Variants in B3GLCT observed in about 807,000 individuals in gnomAD.
B3GLCT encodes beta-1,3-glucosyltransferase.
Under a neutral mutation model 63.4 loss-of-function variants are expected in B3GLCT, and 65 were observed. That is an observed-to-expected ratio of 1.03 (90% CI 0.84 to 1.26). B3GLCT has a LOEUF of 1.26. B3GLCT is among the 50% of genes most tolerant of loss of function. The probability of loss-of-function intolerance (pLI) is 0.00; values close to 1 mark genes in which losing one functional copy is unlikely to be tolerated. For synonymous variants in B3GLCT, 233 were observed against 219.2 expected, an observed-to-expected ratio of 1.06 and a Z score of -0.55; for missense variants, 577 against 604.8, an observed-to-expected ratio of 0.95 and a Z score of 0.48.
chr13:31,320,994 A>G (rs1875303346), intron 13 of B3GLCT, among the ~76,000 whole-genome samples: 1 of 152,242 alleles, frequency 6.6e-6, no homozygotes, highest in Non-Finnish European at 1.5e-5. Flanking sequence ...TATTATGCAA[A>G]CCATTATCAT....
At chr13:31,300,797 C>A (rs1409196087) in intron 12 of B3GLCT, among the ~76,000 whole-genome samples, 10 of 152,194 alleles carry the variant, frequency 6.6e-5, no homozygotes, top group African/African-American at 2.2e-4. Context: ...CTTGTGACCT[C>A]TGTCCACATG....
chr13:31,285,735 C>T (rs1473086856), intron 11 of B3GLCT, among the ~76,000 whole-genome samples: 1 of 151,820 alleles, frequency 6.6e-6, no homozygotes, highest in East Asian at 1.9e-4. Flanking sequence ...GATATGCCAT[C>T]TCTGTAGTTA....
At chr13:31,238,553 A>T (rs1017162411) in intron 4 of B3GLCT, among the ~76,000 whole-genome samples, 1 of 152,250 alleles carries the variant, frequency 6.6e-6, no homozygotes, top group Non-Finnish European at 1.5e-5. Context: ...GGAATTTAGT[A>T]GAATGCGTAT....
chr13:31,326,534 G>A (rs1412269167), intron 14 of B3GLCT, among the ~76,000 whole-genome samples: 1 of 151,934 alleles, frequency 6.6e-6, no homozygotes, highest in Non-Finnish European at 1.5e-5. Flanking sequence ...ACCTGCCTCG[G>A]CCTCCCAAAG....
At chr13:31,226,361 A>AG (rs1870102319) in intron 3 of B3GLCT, among the ~76,000 whole-genome samples, 2 of 152,244 alleles carry the variant, frequency 1.3e-5, no homozygotes, top group South Asian at 4.1e-4. Context: ...ATTGAAGTAT[A>AG]GGAAAAAGGG....
chr13:31,324,927 A>T (rs1875532372), intron 14 of B3GLCT, among the ~76,000 whole-genome samples: 1 of 152,112 alleles, frequency 6.6e-6, no homozygotes, highest in South Asian at 2.1e-4. Context: ...GACTGGTTTC[A>T]AACTGCTGGA....
chr13:31,283,112 A>G (rs1873150953), intron 10 of B3GLCT: 1 of 152,236 alleles, frequency 6.6e-6, no homozygotes, highest in African/African-American at 2.4e-5. Flanking sequence ...AACCTATTAG[A>G]GCGAAAAAGG....
intron 6 of B3GLCT, among the ~76,000 whole-genome samples, chr13:31,255,585 T>G (rs898102072): frequency 4.6e-5 from 7 of 152,210 alleles, no homozygotes; most frequent in Non-Finnish European, 1.0e-4. Context: ...AACAGCATGG[T>G]ACTGGTACCA....
At chr13:31,232,482 C>T (rs115617189) in intron 4 of B3GLCT, among the ~76,000 whole-genome samples, 185 of 152,256 alleles carry the variant, frequency 1.2e-3, no homozygotes, top group Middle Eastern at 6.8e-3. Context: ...ACTCACTCTC[C>T]TCACGACAGT....
Position 31,260,967 on chromosome 13 carries a change from T to C in B3GLCT, c.481T>C (p.Leu161=). ...PSKEWFLGKA[L]HDEEATIIHH... Reference sequence around the variant, plus strand: ...ACAGGAATGGTTTTTGGGAAAAGCATTACATGATGAAGAAGCTACAATAAT... The same window carrying C: ...ACAGGAATGGTTTTTGGGAAAAGCACTACATGATGAAGAAGCTACAATAAT... Residue 161 remains leucine, a synonymous_variant, in exon 7 of 15, where the codon TTA becomes CTA. Coordinates refer to ENST00000343307, the MANE Select transcript of B3GLCT (RefSeq NM_194318.4). 1 of 1,613,990 alleles carries C rather than the reference T, an allele frequency of 6.2e-7. No individual in the cohort carries two copies. Among genetic ancestry groups the C allele is most frequent in the Non-Finnish European group, 8.5e-7 (1 of 1,179,874 alleles).
At chr13:31,236,916 C>T (rs1870678765) in intron 4 of B3GLCT, among the ~76,000 whole-genome samples, 1 of 152,138 alleles carries the variant, frequency 6.6e-6, no homozygotes, top group Non-Finnish European at 1.5e-5. Flanking sequence ...CACCTGAGGT[C>T]TGGAGTTCAA....
At chr13:31,321,519 G>T (rs1486843383) in intron 13 of B3GLCT, among the ~76,000 whole-genome samples, 1 of 152,166 alleles carries the variant, frequency 6.6e-6, no homozygotes, top group Admixed American at 6.5e-5. Context: ...TGACATTTTT[G>T]TTTCAGCTTT....
intron 1 of B3GLCT, among the ~76,000 whole-genome samples, chr13:31,201,176 T>C (rs191615226): frequency 8.4e-4 from 128 of 152,296 alleles, no homozygotes; most frequent in Non-Finnish European, 1.6e-3. Flanking sequence ...TTTTTAGTAA[T>C]GGCAGAATGG....
At chr13:31,248,833 A>G (rs1871307589) in intron 6 of B3GLCT, among the ~76,000 whole-genome samples, 2 of 152,162 alleles carry the variant, frequency 1.3e-5, no homozygotes, top group Non-Finnish European at 2.9e-5. Context: ...TTTGCGAATG[A>G]CTTTATAACC....
In B3GLCT at chr13:31,329,486, C is replaced by A; in HGVS notation, c.1330-15C>A. ...TCAATCAACAAGGAAGCCTAACTCT[C>A]TATTTTTCCTGCAGGCTCGGCCGGT... On this transcript the variant is annotated splice_polypyrimidine_tract_variant and intron_variant, in intron 14 of 14. Coordinates refer to ENST00000343307, the MANE Select transcript of B3GLCT (RefSeq NM_194318.4). 1 of 1,614,122 alleles carries A rather than the reference C, an allele frequency of 6.2e-7. No individual in the cohort carries two copies. The highest frequency in any genetic ancestry group is 8.5e-7 in the Non-Finnish European group (1 of 1,179,968).
intron 13 of B3GLCT, among the ~76,000 whole-genome samples, chr13:31,321,019 A>G (rs977478634): frequency 6.6e-6 from 1 of 152,222 alleles, no homozygotes; most frequent in African/African-American, 2.4e-5. Flanking sequence ...TTGCCTATTT[A>G]CTTTTCTATT....
chr13:31,274,993 G>C (rs1872717581), intron 9 of B3GLCT, among the ~76,000 whole-genome samples: 1 of 152,136 alleles, frequency 6.6e-6, no homozygotes, highest in African/African-American at 2.4e-5. Flanking sequence ...GTAGGATAAT[G>C]GCCCCCAGCT....
At chr13:31,222,413 C>A (rs1439440636) in intron 2 of B3GLCT, among the ~76,000 whole-genome samples, 4 of 152,148 alleles carry the variant, frequency 2.6e-5, no homozygotes, top group Non-Finnish European at 4.4e-5. Flanking sequence ...CATAGGCTGG[C>A]CTCTGAGGCC....
chr13:31,252,125 A>G (rs1871458262), intron 6 of B3GLCT, among the ~76,000 whole-genome samples: 1 of 152,218 alleles, frequency 6.6e-6, no homozygotes, highest in Non-Finnish European at 1.5e-5. Flanking sequence ...ACTAAGCTTC[A>G]TAAGGGAAGG....
Sources: allele counts gnomAD v4.1 joint callset (sites outside exome capture counted in the v4.1 genomes callset), GRCh38; gene constraint gnomAD v4.1.1; transcripts MANE v1.5; gene names NCBI Gene and HGNC (gene_info 2026-07-23, HGNC 2026-07-21).